The following CFAP54 variants were observed in gnomAD, a reference collection of about 807,000 sequenced individuals.
CFAP54 encodes cilia- and flagella-associated protein 54.
CFAP54 carries 290 observed loss-of-function variants against 370.4 expected under a neutral mutation model. The ratio of observed to expected loss-of-function variants is 0.78; its 90% CI spans 0.71 to 0.86. The LOEUF (loss-of-function observed/expected upper bound fraction) is 0.86, where lower values mean the gene tolerates loss of function less well. Ranked by LOEUF, CFAP54 falls within the 40% of genes least tolerant of loss-of-function variation. CFAP54 has a pLI of 0.00. For synonymous variants in CFAP54, 1,206 were observed against 1,236.5 expected, an observed-to-expected ratio of 0.98 and a Z score of 0.52; for missense variants, 3,399 against 3,528.7, an observed-to-expected ratio of 0.96 and a Z score of 0.93.
chr12:96,655,448 C>T (rs1956911024), intron 36 of CFAP54, among the ~76,000 whole-genome samples: 1 of 152,072 alleles, frequency 6.6e-6, no homozygotes, highest in African/African-American at 2.4e-5. Flanking sequence ...ATTAGAATTA[C>T]TAGGTTTCTG....
At chr12:96,826,494 A>G (rs1159836255) in intron 65 of CFAP54, among the ~76,000 whole-genome samples, 1 of 112,120 alleles carries the variant, frequency 8.9e-6, no homozygotes, top group Non-Finnish European at 1.7e-5. Context: ...AATAATATAT[A>G]ATATATATCA....
chr12:96,492,345 C>G (rs1954893954), intron 1 of CFAP54, among the ~76,000 whole-genome samples: 3 of 152,198 alleles, frequency 2.0e-5, no homozygotes, highest in African/African-American at 7.2e-5. Context: ...ACTTCTCTCT[C>G]AGGACTTTCC....
chr12:96,567,460 G>T (rs536459170), intron 19 of CFAP54, among the ~76,000 whole-genome samples: 1 of 152,270 alleles, frequency 6.6e-6, no homozygotes, highest in African/African-American at 2.4e-5. Flanking sequence ...GAGGAAGTTG[G>T]ATGGTGGTGT....
At chr12:96,595,167 A>G (rs938922906) in intron 25 of CFAP54, among the ~76,000 whole-genome samples, 7 of 152,296 alleles carry the variant, frequency 4.6e-5, no homozygotes, top group Non-Finnish European at 8.8e-5. Flanking sequence ...AAGGCCAACT[A>G]CTAATTCCTT....
At chr12:96,606,244 G>A (rs1956299133) in intron 26 of CFAP54, among the ~76,000 whole-genome samples, 1 of 152,214 alleles carries the variant, frequency 6.6e-6, no homozygotes, top group South Asian at 2.1e-4. Flanking sequence ...CAGAGGGCAT[G>A]AAGGACTATG....
At chr12:96,808,295 A>G (rs1288746571) in intron 63 of CFAP54, among the ~76,000 whole-genome samples, 1 of 151,944 alleles carries the variant, frequency 6.6e-6, no homozygotes, top group Non-Finnish European at 1.5e-5. Flanking sequence ...TCGTCACTCT[A>G]TTGCAAATTC....
At chr12:96,558,836 ATACCCCT>A (rs1228790295) in intron 17 of CFAP54, among the ~76,000 whole-genome samples, 1 of 152,172 alleles carries the variant, frequency 6.6e-6, no homozygotes, top group Non-Finnish European at 1.5e-5. Context: ...TTCTTGAGCA[ATACCCCT>A]TAAGAACAGG....
chr12:96,499,463 C>T (rs1201581555), intron 1 of CFAP54, among the ~76,000 whole-genome samples: 1 of 152,212 alleles, frequency 6.6e-6, no homozygotes, highest in African/African-American at 2.4e-5. Context: ...ACACCGACAA[C>T]ACCAAATGCC....
At chr12:96,687,440 G>T (rs1356297736) in intron 42 of CFAP54, among the ~76,000 whole-genome samples, 1 of 152,146 alleles carries the variant, frequency 6.6e-6, no homozygotes, top group Non-Finnish European at 1.5e-5. Context: ...ATTAACATGA[G>T]AAATTTGAAA....
intron 48 of CFAP54, among the ~76,000 whole-genome samples, chr12:96,717,860 A>G (rs1957703206): frequency 1.3e-5 from 2 of 152,222 alleles, no homozygotes; most frequent in African/African-American, 2.4e-5. Flanking sequence ...AACTTGAATA[A>G]CATCACTAAA....
At chr12:96,701,227 AAG>A (rs939013372) in intron 46 of CFAP54, among the ~76,000 whole-genome samples, 13 of 152,120 alleles carry the variant, frequency 8.5e-5, no homozygotes, top group African/African-American at 1.9e-4. Flanking sequence ...AGAGAGGGGA[AAG>A]AGAGAGAAAT....
chr12:96,788,888 A>T (rs190690622), intron 62 of CFAP54, among the ~76,000 whole-genome samples: 1 of 152,184 alleles, frequency 6.6e-6, no homozygotes, highest in African/African-American at 2.4e-5. Flanking sequence ...TCTCTCCTAG[A>T]TACTGGGATA....
chr12:96,651,696 G>C lies in CFAP54; in HGVS notation c.4981G>C (p.Asp1661His). The change falls in exon 36 of 68, where the codon GAT becomes CAT. Residue 1661 changes from aspartate (D) to histidine (H), a missense_variant. Coordinates refer to ENST00000524981, the MANE Select transcript of CFAP54 (RefSeq NM_001306084.2). ...QILLKQAVDLDKTFPISQDGF... is the reference protein window; with the variant it reads ...QILLKQAVDLHKTFPISQDGF... ...ACTTCTTAAACAGGCAGTGGATCTT[G>C]ATAAAACATTTCCTATTAGCCAAGA... The C allele has an allele frequency of 6.2e-7, 1 of 1,613,954 alleles. No homozygotes were observed. Among genetic ancestry groups the C allele is most frequent in the Non-Finnish European group, 8.5e-7 (1 of 1,179,870 alleles).
chr12:96,590,967 AAATG>A (rs57833127), intron 23 of CFAP54, among the ~76,000 whole-genome samples: 46,516 of 151,804 alleles, frequency 0.31, 7,231 homozygotes, highest in Non-Finnish European at 0.34. Flanking sequence ...AAGATCTTGA[AAATG>A]AATGGTATCT....
chr12:96,597,291 T>C (rs1049417334), intron 25 of CFAP54, among the ~76,000 whole-genome samples: 1 of 152,014 alleles, frequency 6.6e-6, no homozygotes, highest in Non-Finnish European at 1.5e-5. Context: ...TAGTTCCACC[T>C]CTTGGTTCCT....
intron 1 of CFAP54, among the ~76,000 whole-genome samples, chr12:96,491,324 G>A (rs926936954): frequency 6.6e-6 from 1 of 152,178 alleles, no homozygotes; most frequent in Non-Finnish European, 1.5e-5. Flanking sequence ...AGAGCAAGAG[G>A]GAGGGAGATC....
rs923901428 is a variant in CFAP54 at position 96,500,921 on chromosome 12, T to C, written c.405T>C (p.Asp135=). 1.3e-6 allele frequency: 2 copies of C among 1,534,916 alleles called. No individual in the cohort carries two copies. The highest frequency in any genetic ancestry group is 1.4e-5 in the African/African-American group (1 of 73,026). The part of the protein sequence containing the change: ...YYNEKLLKVG[D]SLCQMKEYKL... ...ACGAAAAGCTTCTGAAGGTTGGAGA[T>C]AGCCTTTGTCAAATGAAAGTAAGTG... Residue 135 remains aspartate (D), a synonymous_variant, in exon 2 of 68, where the codon GAT becomes GAC. Coordinates refer to ENST00000524981, the MANE Select transcript of CFAP54 (RefSeq NM_001306084.2).
chr12:96,523,276 A>G lies in CFAP54; in HGVS notation c.1158+1087A>G, dbSNP rs143252905. On this transcript the variant is annotated intron_variant, in intron 8 of 67. Coordinates refer to ENST00000524981, the MANE Select transcript of CFAP54 (RefSeq NM_001306084.2). ...TTACAGTTGGGAAAATAAAGCCTGC[A>G]ATATTTAAATGACTGGCTCAAGGTC... Among the ~76,000 whole-genome samples the G allele has an allele frequency of 6.6e-5, 10 of 152,270 alleles. No individual in the cohort carries two copies. The East Asian group carries it at 1.5e-3, about 24-fold the overall frequency.
intron 60 of CFAP54, among the ~76,000 whole-genome samples, chr12:96,778,195 TTC>T (rs1300438877): frequency 6.6e-6 from 1 of 152,220 alleles, no homozygotes; most frequent in Non-Finnish European, 1.5e-5. Flanking sequence ...CTAAATTTTT[TTC>T]CATGGGTGAT....
Sources: gnomAD v4.1 joint callset for allele counts (sites outside exome capture counted in the v4.1 genomes callset) on GRCh38, gnomAD v4.1.1 for gene constraint, MANE v1.5 for transcripts, NCBI Gene and HGNC (gene_info 2026-07-23, HGNC 2026-07-21) for gene names.